The following AVEN variants were observed in gnomAD, a reference collection of about 807,000 sequenced individuals.
AVEN encodes the protein cell death regulator Aven.
In AVEN, 41 loss-of-function variants were observed where a neutral mutation model predicts 38.1. That is an observed-to-expected ratio of 1.08 (90% confidence interval 0.84 to 1.40). AVEN has a LOEUF of 1.40. AVEN is among the 40% of genes most tolerant of loss of function. AVEN has a pLI of 0.00. For missense variants in AVEN, 605 were observed against 438.8 expected (o/e 1.38, Z -3.38); for synonymous variants, 206 against 171.8 (o/e 1.20, Z -1.56).
chr15:33,936,902 C>A (rs572770047), intron 2 of AVEN, among the ~76,000 whole-genome samples: 6 of 152,004 alleles, frequency 3.9e-5, no homozygotes, highest in Non-Finnish European at 8.8e-5. Flanking sequence ...GAGGCCGAGG[C>A]GGGCGGATCA....
At chr15:34,073,605 C>T (rs1474341706) in intron 1 of AVEN, among the ~76,000 whole-genome samples, 2 of 149,618 alleles carry the variant, frequency 1.3e-5, no homozygotes, top group Non-Finnish European at 3.0e-5. Context: ...ACCACAACTT[C>T]CGCCTCCCGG....
Position 33,867,410 on chromosome 15 carries a change from G to A in AVEN, c.973+85C>T, listed in dbSNP as rs1890651366. 4 of 1,482,324 alleles carry A rather than the reference G, an allele frequency of 2.7e-6. No homozygotes were observed. The South Asian group carries it at 5.5e-5, about 20-fold the overall frequency. The allele number at this position is 1,482,324 out of a possible 1,614,324, so 91.8% of individuals were successfully genotyped here. The stretch of plus-strand genomic sequence containing the variant: ...TGGATCAATGTCAGACACCCAGAGG[G>A]ATGTGTGCGGATGTGATGCGGGCGG... On this transcript the variant is annotated intron_variant, in intron 5 of 5. Coordinates refer to ENST00000306730, the MANE Select transcript of AVEN (RefSeq NM_020371.3).
At chr15:33,915,642 C>T (rs181551578) in intron 2 of AVEN, among the ~76,000 whole-genome samples, 236 of 152,210 alleles carry the variant, frequency 1.6e-3, no homozygotes, top group African/African-American at 5.6e-3. Context: ...GTAACAATTT[C>T]GATAGAACTC....
At chr15:33,945,448 A>C (rs996168178) in intron 2 of AVEN, among the ~76,000 whole-genome samples, 1 of 152,136 alleles carries the variant, frequency 6.6e-6, no homozygotes, top group African/African-American at 2.4e-5. Flanking sequence ...ACTCAGAGTT[A>C]ATTTTTCTCA....
At chr15:33,860,767 G>C (rs1050792922) in intron 11 of AVEN, 2 of 886,292 alleles carry the variant, frequency 2.3e-6, no homozygotes, top group Admixed American at 2.5e-5. Context: ...TACTAAGCAA[G>C]AACGCAGTTT....
At chr15:34,013,904 G>C (rs920720433) in intron 1 of AVEN, among the ~76,000 whole-genome samples, 7 of 152,162 alleles carry the variant, frequency 4.6e-5, no homozygotes, top group Non-Finnish European at 7.3e-5. Flanking sequence ...CCTACTGAAG[G>C]AACGGCTGCT....
At chr15:33,974,537 G>A (rs1895788373) in intron 2 of AVEN, among the ~76,000 whole-genome samples, 1 of 152,212 alleles carries the variant, frequency 6.6e-6, no homozygotes, top group South Asian at 2.1e-4. Context: ...TGTTGAAGTA[G>A]GCCAGCATCA....
At chr15:33,954,005 A>G (rs1456280870) in intron 2 of AVEN, among the ~76,000 whole-genome samples, 2 of 152,246 alleles carry the variant, frequency 1.3e-5, no homozygotes, top group Non-Finnish European at 2.9e-5. Context: ...ATGAACAGAC[A>G]CTTCTCAAAA....
intron 1 of AVEN, among the ~76,000 whole-genome samples, chr15:34,037,191 CTCAAT>C (rs1409396199): frequency 6.6e-6 from 1 of 152,012 alleles, no homozygotes; most frequent in Non-Finnish European, 1.5e-5. Context: ...CCTTCACTCA[CTCAAT>C]TCAACTTAAA....
At chr15:34,013,391 C>G (rs1444029860) in intron 1 of AVEN, among the ~76,000 whole-genome samples, 2 of 152,058 alleles carry the variant, frequency 1.3e-5, no homozygotes. Context: ...AAAATAAAAA[C>G]AGTCACCTTG....
intron 2 of AVEN, among the ~76,000 whole-genome samples, chr15:33,953,788 T>C (rs1021834334): frequency 6.6e-6 from 1 of 151,990 alleles, no homozygotes; most frequent in East Asian, 1.9e-4. Flanking sequence ...AACAGACAAA[T>C]GGGATCTAAT....
intron 2 of AVEN, among the ~76,000 whole-genome samples, chr15:33,911,514 G>T (rs1465789451): frequency 6.6e-6 from 1 of 152,140 alleles, no homozygotes; most frequent in African/African-American, 2.4e-5. Context: ...GGAAAAAGAG[G>T]TATACATCTT....
At chr15:33,911,031 A>G (rs1399862238) in intron 2 of AVEN, among the ~76,000 whole-genome samples, 2 of 152,242 alleles carry the variant, frequency 1.3e-5, no homozygotes, top group Non-Finnish European at 2.9e-5. Context: ...AAGCTAAAAC[A>G]GTGAGGACAG....
intron 2 of AVEN, among the ~76,000 whole-genome samples, chr15:33,908,590 T>C (rs1892797098): frequency 6.6e-6 from 1 of 152,242 alleles, no homozygotes; most frequent in Non-Finnish European, 1.5e-5. Flanking sequence ...CTCATATAAG[T>C]AGAATCATAC....
chr15:34,031,792 C>A (rs1898849111), intron 1 of AVEN, among the ~76,000 whole-genome samples: 1 of 152,094 alleles, frequency 6.6e-6, no homozygotes, highest in Admixed American at 6.6e-5. Context: ...ACAACAGCAT[C>A]CTAGCAGCAT....
At chr15:34,074,220 A>G (rs987682210) in intron 1 of AVEN, among the ~76,000 whole-genome samples, 31 of 148,752 alleles carry the variant, frequency 2.1e-4, no homozygotes, top group African/African-American at 6.7e-4. Context: ...CTGATCTCGA[A>G]CTCCTGACTT....
intron 2 of AVEN, among the ~76,000 whole-genome samples, chr15:33,887,247 G>A (rs1367827461): frequency 6.6e-6 from 1 of 152,146 alleles, no homozygotes; most frequent in Non-Finnish European, 1.5e-5. Flanking sequence ...CAAACTACTT[G>A]AGAAATAGCT....
Position 33,877,448 on chromosome 15 carries a change from G to C in AVEN, c.446-1453C>G, listed in dbSNP as rs562674416. ...CAAAACAATGAGTGAAAGGGACTCA[G>C]AAAGGTGGCCCAGTTATAAAACTTA... On this transcript the variant is annotated intron_variant, in intron 2 of 5. Transcript: ENST00000306730. Among the ~76,000 whole-genome samples the C allele has an allele frequency of 3.4e-4, 52 of 152,348 alleles. 1 individual carries two copies. The highest frequency in any genetic ancestry group is 1.2e-3 in the African/African-American group (50 of 41,588).
At chr15:33,853,582 G>A in the AVEN span, 10 of 1,613,788 alleles carry the variant, frequency 6.2e-6, no homozygotes, top group African/African-American at 2.7e-5. Context: ...AGATCTCTAC[G>A]GAGCAGAACG....
Sources: gnomAD v4.1 joint callset for allele counts (sites outside exome capture counted in the v4.1 genomes callset) on GRCh38, gnomAD v4.1.1 for gene constraint, MANE v1.5 for transcripts, NCBI Gene and HGNC (gene_info 2026-07-23, HGNC 2026-07-21) for gene names.